Variants in DNAJC2 observed in about 807,000 individuals in gnomAD.
The protein encoded by DNAJC2 is dnaJ homolog subfamily C member 2.
In DNAJC2, 32 loss-of-function variants were observed where a neutral mutation model predicts 94.0. The observed-to-expected ratio is 0.34, with a 90% confidence interval of 0.26 to 0.46. The LOEUF (loss-of-function observed/expected upper bound fraction) is 0.46, where lower values mean the gene tolerates loss of function less well. DNAJC2 is among the 20% of genes least tolerant of loss of function. DNAJC2 has a pLI of 1.00. For missense variants in DNAJC2, 550 were observed against 719.5 expected (o/e 0.76, Z 2.69); for synonymous variants, 210 against 229.7 (o/e 0.91, Z 0.77).
chr7:103,344,209 G>C, intron 1 of DNAJC2: 1 of 309,694 alleles, frequency 3.2e-6, no homozygotes. Context: ...GGCACGTGGG[G>C]TGCTCGCTGC....
chr7:103,333,928 A>G (rs534992771), intron 3 of DNAJC2, among the ~76,000 whole-genome samples: 1 of 150,918 alleles, frequency 6.6e-6, no homozygotes, highest in Non-Finnish European at 1.5e-5. Context: ...GTTTCTGGAC[A>G]TTGTGAATAG....
In DNAJC2 at chr7:103,344,704, C is replaced by T; in HGVS notation, c.-82G>A. 6.9e-7 allele frequency: 1 copy of T among 1,447,736 alleles called. No individual in the cohort carries two copies. Among genetic ancestry groups the T allele is most frequent in the Non-Finnish European group, 9.6e-7 (1 of 1,046,394 alleles). 89.7% of individuals were successfully genotyped at this position (1,447,736 alleles called of 1,614,324 possible). A position where few individuals can be genotyped will look rare whatever the true frequency, so the allele number is the denominator to read the frequency against. The stretch of plus-strand genomic sequence containing the variant: ...CTTAGGGTCCCCTCCAGCTCTACCT[C>T]TCACTCCGAGCCTCGCGCCTTGGCT... On this transcript the variant is annotated 5_prime_UTR_variant, in exon 1 of 17. Transcript: ENST00000379263.
chr7:103,326,790 A>G, intron 4 of DNAJC2, 106 bp from the exon 5 acceptor site: 3 of 1,201,058 alleles, frequency 2.5e-6, no homozygotes, highest in Non-Finnish European at 3.4e-6. Context: ...TAATTTTCAT[A>G]TTTGAAAATT....
chr7:103,324,340 A>T lies in DNAJC2; in HGVS notation c.653+142T>A, dbSNP rs931159790. ...AATAGAAAATCTTAAAAGTGTAAAT[A>T]TCACATAGGTAACAGAGTGCTTTTG... On this transcript the variant is annotated intron_variant, in intron 6 of 16. Transcript: ENST00000379263. 15 of 600,648 alleles carry T rather than the reference A, an allele frequency of 2.5e-5. 1 individual carries two copies. The highest frequency in any genetic ancestry group is 1.2e-4 in the East Asian group (3 of 24,058). The allele number at this position is 600,648 out of a possible 1,614,324, so 37.2% of individuals were successfully genotyped here. A position where few individuals can be genotyped will look rare whatever the true frequency, so the allele number is the denominator to read the frequency against.
intron 2 of DNAJC2, among the ~76,000 whole-genome samples, chr7:103,339,523 G>T (rs923288595): frequency 6.6e-6 from 1 of 151,850 alleles, no homozygotes; most frequent in South Asian, 2.1e-4. Flanking sequence ...TTCATTCACT[G>T]TAATCTCTTG....
intron 15 of DNAJC2, among the ~76,000 whole-genome samples, chr7:103,315,123 T>C (rs901254398): frequency 3.3e-5 from 5 of 152,100 alleles, no homozygotes; most frequent in African/African-American, 4.8e-5. Flanking sequence ...ATGAAAAGCA[T>C]TGGTCTAGAG....
Position 103,344,751 on chromosome 7 carries a change from G to C in DNAJC2, c.-129C>G. On this transcript the variant is annotated 5_prime_UTR_variant, in exon 1 of 17. Coordinates refer to ENST00000379263, the MANE Select transcript of DNAJC2 (RefSeq NM_014377.3). The stretch of plus-strand genomic sequence containing the variant: ...GGCTCTAAGACGCCCAGGAACCGGC[G>C]CATGGAGACGACCAGTAAGCACTTC... 1.1e-6 allele frequency: 1 copy of C among 910,426 alleles called. No homozygotes were observed. The highest frequency in any genetic ancestry group is 1.7e-6 in the Non-Finnish European group (1 of 585,290). 56.4% of individuals were successfully genotyped at this position (910,426 alleles called of 1,614,324 possible).
In DNAJC2 at chr7:103,344,629, G is replaced by A; in HGVS notation, c.-7C>T. The A allele has an allele frequency of 1.2e-6, 2 of 1,608,344 alleles. No individual in the cohort carries two copies. Among genetic ancestry groups the A allele is most frequent in the Non-Finnish European group, 1.7e-6 (2 of 1,179,826 alleles). ...CGCTTGGCAGAAGCAGCATGATGGCGCCGGGTCTAGCCCGGTGGGCGCAGC... is the reference window on the plus strand; with the variant it reads ...CGCTTGGCAGAAGCAGCATGATGGCACCGGGTCTAGCCCGGTGGGCGCAGC... On this transcript the variant is annotated 5_prime_UTR_variant, in exon 1 of 17. Transcript: ENST00000379263.
chr7:103,316,627 G>A, intron 13 of DNAJC2: 1 of 548,104 alleles, frequency 1.8e-6, no homozygotes, highest in Admixed American at 3.4e-5. Context: ...CAAGTATTCT[G>A]TCATATGTAT....
At chr7:103,320,818 A>G (rs765753052) in intron 10 of DNAJC2, 2 of 179,902 alleles carry the variant, frequency 1.1e-5, no homozygotes, top group South Asian at 2.2e-4. Context: ...ATCTTCAGTT[A>G]TCTCAGCATG....
chr7:103,315,169 A>AT (rs35425130), intron 15 of DNAJC2, among the ~76,000 whole-genome samples: 4,536 of 146,820 alleles, frequency 0.031, 85 homozygotes, highest in Non-Finnish European at 0.035. Flanking sequence ...AAACCCTAAC[A>AT]TTTTTTTTTT....
chr7:103,339,806 C>A (rs1819310080), intron 2 of DNAJC2, among the ~76,000 whole-genome samples: 1 of 151,668 alleles, frequency 6.6e-6, no homozygotes, highest in Non-Finnish European at 1.5e-5. Context: ...ATGTGATTGA[C>A]CTCTTTCTGA....
intron 3 of DNAJC2, chr7:103,328,824 C>G: frequency 3.3e-6 from 1 of 302,450 alleles, no homozygotes; most frequent in South Asian, 3.0e-5. Flanking sequence ...CATTTCTCTA[C>G]TGTTGGACAT....
chr7:103,344,461 C>G, intron 1 of DNAJC2, 98 bp downstream of exon 1: 1 of 1,415,858 alleles, frequency 7.1e-7, no homozygotes, highest in Non-Finnish European at 1.0e-6. Flanking sequence ...GGGCTAGTCG[C>G]CAGGGTCAAG....
chr7:103,333,935 A>AT, intron 3 of DNAJC2, among the ~76,000 whole-genome samples: 1 of 151,812 alleles, frequency 6.6e-6, no homozygotes, highest in Non-Finnish European at 1.5e-5. Flanking sequence ...GACATTGTGA[A>AT]TAGGCTGTTG....
chr7:103,313,251 C>T (rs1360107806), intron 15 of DNAJC2, 150 bp from the exon 16 acceptor site: 4 of 1,163,662 alleles, frequency 3.4e-6, no homozygotes, highest in Non-Finnish European at 3.3e-6. Flanking sequence ...ACATATAGCC[C>T]TCTGAGTGTT....
chr7:103,343,327 T>A (rs1056528583), intron 1 of DNAJC2, among the ~76,000 whole-genome samples: 1 of 152,224 alleles, frequency 6.6e-6, no homozygotes, highest in African/African-American at 2.4e-5. Context: ...ATTATTAAAA[T>A]CTTGAATATA....
At chr7:103,324,388 G>T in intron 6 of DNAJC2, 94 bp downstream of exon 6, 1 of 1,122,748 alleles carries the variant, frequency 8.9e-7, no homozygotes, top group Non-Finnish European at 1.2e-6. Flanking sequence ...TCTGCAATTT[G>T]TCCATCTGAA....
At position 103,344,553 on chromosome 7, in the gene DNAJC2, AC is replaced by A; in HGVS notation, c.64+5del. On this transcript the variant is annotated splice_donor_5th_base_variant and intron_variant, in intron 1 of 16. Coordinates refer to ENST00000379263, the MANE Select transcript of DNAJC2 (RefSeq NM_014377.3). Reference sequence around the variant, plus strand: ...GAGAAGGAACCGAGGTTGGGTGGGCACTTACCAGAGGTCAGAGCGTGGGTGA... The same window carrying A: ...GAGAAGGAACCGAGGTTGGGTGGGCATTACCAGAGGTCAGAGCGTGGGTGA... The A allele has an allele frequency of 6.2e-7, 1 of 1,613,742 alleles. No homozygotes were observed. Among genetic ancestry groups the A allele is most frequent in the Middle Eastern group, 1.7e-4 (1 of 6,054 alleles).
Sources: gnomAD v4.1 joint callset for allele counts (sites outside exome capture counted in the v4.1 genomes callset) on GRCh38, gnomAD v4.1.1 for gene constraint, MANE v1.5 for transcripts, NCBI Gene and HGNC (gene_info 2026-07-23, HGNC 2026-07-21) for gene names.